FBXO33: variants seen among roughly 807,000 people sequenced by gnomAD.
FBXO33 encodes the protein F-box only protein 33.
Under a neutral mutation model 46.3 loss-of-function variants are expected in FBXO33, and 22 were observed. The observed-to-expected ratio is 0.48, with a 90% CI of 0.34 to 0.68. The LOEUF (loss-of-function observed/expected upper bound fraction) is 0.68, where lower values mean the gene tolerates loss of function less well. FBXO33 is among the 30% of genes least tolerant of loss of function. The probability of loss-of-function intolerance (pLI) is 0.01; values close to 1 mark genes in which losing one functional copy is unlikely to be tolerated. For missense variants in FBXO33, 692 were observed against 708.8 expected (o/e 0.98, Z 0.27); for synonymous variants, 337 against 291.3 (o/e 1.16, Z -1.60).
intron 1 of FBXO33, among the ~76,000 whole-genome samples, chr14:39,422,259 A>T (rs2075488939): frequency 6.6e-6 from 1 of 152,182 alleles, no homozygotes; most frequent in Non-Finnish European, 1.5e-5. Flanking sequence ...CTCCATCTCC[A>T]ATAAAATAAT....
intron 1 of FBXO33, among the ~76,000 whole-genome samples, chr14:39,419,874 A>C (rs1223196523): frequency 2.0e-5 from 3 of 152,238 alleles, no homozygotes; most frequent in African/African-American, 7.2e-5. Flanking sequence ...GCTATTTACT[A>C]GTCCCTATGT....
At chr14:39,408,334 A>C (rs148828051) in intron 1 of FBXO33, among the ~76,000 whole-genome samples, 1 of 152,280 alleles carries the variant, frequency 6.6e-6, no homozygotes, top group African/African-American at 2.4e-5. Context: ...AATGAAACTC[A>C]GCATCTTGCC....
Position 39,431,939 on chromosome 14 carries a change from A to G in FBXO33, c.224T>C (p.Leu75Pro). 6.5e-7 allele frequency: 1 copy of G among 1,533,044 alleles called. No individual in the cohort carries two copies. The highest frequency in any genetic ancestry group is 8.7e-7 in the Non-Finnish European group (1 of 1,145,804). The allele number at this position is 1,533,044 out of a possible 1,614,324, so 95.0% of individuals were successfully genotyped here. The change falls in exon 1 of 4, where the codon CTG becomes CCG. Residue 75 changes from leucine to proline, a missense_variant. By Grantham distance (98) the Leu-to-Pro change is moderately conservative. Transcript: ENST00000298097. ...AAGAASLPSE[L>P]IVHIFSFLPA... Reference sequence around the variant, plus strand: ...CAGAAAAGAGAAGATGTGCACGATCAGCTCGCTGGGCAGCGACGCAGCGCC... The same window carrying G: ...CAGAAAAGAGAAGATGTGCACGATCGGCTCGCTGGGCAGCGACGCAGCGCC...
intron 1 of FBXO33, among the ~76,000 whole-genome samples, chr14:39,416,042 TCTATTTGTTTATATATTCA>T (rs2075447212): frequency 6.6e-6 from 1 of 152,224 alleles, no homozygotes; most frequent in South Asian, 2.1e-4. Context: ...AATATTATTC[TCTATTTGTTTATATATTCA>T]CTAGTGAGTT....
Position 39,400,573 on chromosome 14 carries a change from A to G in FBXO33, c.1396+603T>C, listed in dbSNP as rs148140975. The stretch of plus-strand genomic sequence containing the variant: ...AATGCACACTAAAAAAAAAATAATG[A>G]AACAGTGCTAGTAGGATAGCTAATA... On this transcript the variant is annotated intron_variant, in intron 3 of 3. Coordinates refer to ENST00000298097, the MANE Select transcript of FBXO33 (RefSeq NM_203301.4). Among the ~76,000 whole-genome samples, 227 of 152,298 alleles carry G rather than the reference A, an allele frequency of 1.5e-3. 1 individual carries two copies. The highest frequency in any genetic ancestry group is 5.4e-3 in the African/African-American group (224 of 41,564).
At position 39,401,413 on chromosome 14, in the gene FBXO33, T is replaced by G; in HGVS notation, c.1159A>C (p.Ile387Leu). ...FDIKSEDMLK[I>L]LKPSIPLERI... is the part of the protein sequence containing the mutation. Reference sequence around the variant, plus strand: ...TCTAGTGGTATACTGGGTTTCAGAATCTTTAACATATCTTCACTCTTGATA... The same window carrying G: ...TCTAGTGGTATACTGGGTTTCAGAAGCTTTAACATATCTTCACTCTTGATA... The change falls in exon 3 of 4, where the codon ATT becomes CTT. Residue 387 changes from isoleucine to leucine, a missense_variant. Transcript: ENST00000298097. 1 of 1,614,220 alleles carries G rather than the reference T, an allele frequency of 6.2e-7. No homozygotes were observed. Among genetic ancestry groups the G allele is most frequent in the Non-Finnish European group, 8.5e-7 (1 of 1,180,038 alleles).
intron 1 of FBXO33, among the ~76,000 whole-genome samples, chr14:39,424,362 C>T (rs959560122): frequency 6.6e-6 from 1 of 152,204 alleles, no homozygotes; most frequent in Admixed American, 6.5e-5. Flanking sequence ...TTTCACTTAA[C>T]GTGTTTTCTG....
chr14:39,411,112 T>C (rs946736628), intron 1 of FBXO33, among the ~76,000 whole-genome samples: 4 of 152,204 alleles, frequency 2.6e-5, no homozygotes, highest in Non-Finnish European at 5.9e-5. Flanking sequence ...TTCTTTTTTT[T>C]TGAGACAGAG....
intron 1 of FBXO33, among the ~76,000 whole-genome samples, chr14:39,418,799 AAC>A (rs1214295473): frequency 6.6e-6 from 1 of 151,960 alleles, no homozygotes; most frequent in African/African-American, 2.4e-5. Flanking sequence ...ACAAAAAAAA[AAC>A]AAACTGCATC....
chr14:39,411,337 A>G (rs12886099), intron 1 of FBXO33, among the ~76,000 whole-genome samples: 130,615 of 152,052 alleles, frequency 0.86, 56,263 homozygotes, highest in African/African-American at 0.92. Flanking sequence ...CATGATCTGT[A>G]TGCCTCGGCC....
At chr14:39,401,084 T>G (rs1258003525) in intron 3 of FBXO33, 92 bp downstream of exon 3, 1 of 1,153,516 alleles carries the variant, frequency 8.7e-7, no homozygotes, top group East Asian at 2.4e-5. Context: ...CAAGATTTCT[T>G]GATACTATAA....
intron 1 of FBXO33, among the ~76,000 whole-genome samples, chr14:39,418,310 G>T (rs966488467): frequency 2.6e-4 from 39 of 151,200 alleles, no homozygotes; most frequent in Non-Finnish European, 5.2e-4. Flanking sequence ...TGATCCGCCT[G>T]CCTCAGCCTC....
rs1274227079 is a variant in FBXO33, at chr14:39,398,470, T to C, written c.*1046A>G. On this transcript the variant is annotated 3_prime_UTR_variant, in exon 4 of 4. Transcript: ENST00000298097. Reference sequence around the variant, plus strand: ...CAGGTGCATGTTTTTTTTTTCTTTTTTTTTTTTTTTTGTTTTGTTTTTTCA... The same window carrying C: ...CAGGTGCATGTTTTTTTTTTCTTTTCTTTTTTTTTTTGTTTTGTTTTTTCA... The C allele has an allele frequency of 6.6e-6, 1 of 151,126 alleles. No individual in the cohort carries two copies. The highest frequency in any genetic ancestry group is 1.5e-5 in the Non-Finnish European group (1 of 67,758). The allele number at this position is 151,126 out of a possible 1,614,324, so 9.4% of individuals were successfully genotyped here.
chr14:39,411,837 A>G (rs2075424741), intron 1 of FBXO33, among the ~76,000 whole-genome samples: 1 of 152,072 alleles, frequency 6.6e-6, no homozygotes, highest in Non-Finnish European at 1.5e-5. Context: ...TTCCCTTTTA[A>G]TATTTATTGA....
chr14:39,398,153 G>C lies in FBXO33; in HGVS notation c.*1363C>G, dbSNP rs565408767. The C allele has an allele frequency of 6.5e-6, 1 of 152,812 alleles. No homozygotes were observed. The highest frequency in any genetic ancestry group is 2.1e-4 in the South Asian group (1 of 4,834). The allele number at this position is 152,812 out of a possible 1,614,324, so 9.5% of individuals were successfully genotyped here. On this transcript the variant is annotated 3_prime_UTR_variant, in exon 4 of 4. Transcript: ENST00000298097. ...AATAGAGCAGCCAGGTCTCAGCACT[G>C]CTGGGCACCCAGGTTGGCTACTTAC...
chr14:39,427,016 C>A (rs1281578922), intron 1 of FBXO33, among the ~76,000 whole-genome samples: 2 of 152,140 alleles, frequency 1.3e-5, no homozygotes, highest in African/African-American at 4.8e-5. Context: ...GGAAAAAACC[C>A]TAGATTTTCT....
chr14:39,397,998 A>C lies in FBXO33; in HGVS notation c.*1518T>G, dbSNP rs975570216. The C allele has an allele frequency of 7.9e-5, 12 of 152,694 alleles. No individual in the cohort carries two copies. Among genetic ancestry groups the C allele is most frequent in the Non-Finnish European group, 1.5e-4 (10 of 68,042 alleles). 9.5% of individuals were successfully genotyped at this position (152,694 alleles called of 1,614,324 possible). ...GGTATGTGCTCACTGGAGACAAAAC[A>C]GTGCACACCTGTCAAAAGGTCATTT... On this transcript the variant is annotated 3_prime_UTR_variant, in exon 4 of 4. Transcript: ENST00000298097.
intron 1 of FBXO33, among the ~76,000 whole-genome samples, chr14:39,416,007 G>A (rs1472366548): frequency 1.3e-5 from 2 of 152,106 alleles, no homozygotes; most frequent in African/African-American, 4.8e-5. Flanking sequence ...GAGTTACAGT[G>A]ATTTATTAAC....
At chr14:39,426,167 A>T (rs1377500426) in intron 1 of FBXO33, among the ~76,000 whole-genome samples, 1 of 151,846 alleles carries the variant, frequency 6.6e-6, no homozygotes, top group East Asian at 1.9e-4. Flanking sequence ...TTTCATATTT[A>T]TTTTTTTAAC....
Sources: allele counts gnomAD v4.1 joint callset (sites outside exome capture counted in the v4.1 genomes callset), GRCh38; gene constraint gnomAD v4.1.1; transcripts MANE v1.5; gene names NCBI Gene and HGNC (gene_info 2026-07-23, HGNC 2026-07-21).